EVI5: variants seen among roughly 807,000 people sequenced by gnomAD.
EVI5 encodes the protein ecotropic viral integration site 5.
A neutral mutation model predicts 112.0 loss-of-function variants in EVI5; 73 were observed. The ratio of observed to expected loss-of-function variants is 0.65; its 90% CI spans 0.54 to 0.79. The LOEUF is 0.79. Ranked by LOEUF, EVI5 falls within the 30% of genes least tolerant of loss-of-function variation. The pLI is 0.00. For missense variants in EVI5, 900 were observed against 968.8 expected, an observed-to-expected ratio of 0.93 and a Z score of 0.94; for synonymous variants, 305 against 319.9, an observed-to-expected ratio of 0.95 and a Z score of 0.50.
intron 13 of EVI5, among the ~76,000 whole-genome samples, chr1:92,637,698 ATCT>A (rs998527722): frequency 2.0e-5 from 3 of 152,326 alleles, no homozygotes; most frequent in East Asian, 1.9e-4. Context: ...ATAAAAAACA[ATCT>A]TCTACTGAAC....
intron 13 of EVI5, among the ~76,000 whole-genome samples, chr1:92,640,199 A>G (rs1413557399): frequency 6.6e-6 from 1 of 152,226 alleles, no homozygotes; most frequent in Non-Finnish European, 1.5e-5. Flanking sequence ...GGACATAGGC[A>G]TGGGCAAAGA....
intron 2 of EVI5, among the ~76,000 whole-genome samples, chr1:92,731,029 A>G (rs1676381559): frequency 1.3e-5 from 2 of 152,176 alleles, no homozygotes; most frequent in South Asian, 4.1e-4. Context: ...CAATATAAGA[A>G]AAACAATTGT....
chr1:92,764,242 C>T (rs867373673), intron 1 of EVI5, among the ~76,000 whole-genome samples: 1 of 152,200 alleles, frequency 6.6e-6, no homozygotes, highest in African/African-American at 2.4e-5. Context: ...TACAAAGTTA[C>T]CACACATACC....
chr1:92,641,911 G>A (rs1212317381), intron 13 of EVI5, among the ~76,000 whole-genome samples: 4 of 152,066 alleles, frequency 2.6e-5, no homozygotes, highest in Non-Finnish European at 4.4e-5. Context: ...AGGCTGAGGC[G>A]GGTGGATCAC....
intron 14 of EVI5, among the ~76,000 whole-genome samples, chr1:92,634,638 C>A (rs1658321890): frequency 6.6e-6 from 1 of 152,176 alleles, no homozygotes; most frequent in Admixed American, 6.6e-5. Context: ...CCTCCTTTAG[C>A]TCGGAGTAGT....
At chr1:92,668,535 C>T (rs945106280) in intron 10 of EVI5, among the ~76,000 whole-genome samples, 1 of 152,176 alleles carries the variant, frequency 6.6e-6, no homozygotes, top group African/African-American at 2.4e-5. Context: ...AGAAATCATG[C>T]TAAAATAAAA....
At chr1:92,685,345 T>C (rs1668337643) in intron 9 of EVI5, among the ~76,000 whole-genome samples, 1 of 152,228 alleles carries the variant, frequency 6.6e-6, no homozygotes, top group Non-Finnish European at 1.5e-5. Context: ...AAAGATGTTC[T>C]TTGAAACCAG....
chr1:92,605,406 G>A lies in EVI5; in HGVS notation c.1975-4C>T. 7.5e-6 allele frequency: 12 copies of A among 1,601,502 alleles called. No individual in the cohort carries two copies. Among genetic ancestry groups the A allele is most frequent in the Non-Finnish European group, 9.4e-6 (11 of 1,169,384 alleles). On this transcript the variant is annotated splice_region_variant and splice_polypyrimidine_tract_variant and intron_variant, in intron 17 of 19. Coordinates refer to ENST00000684568, the MANE Select transcript of EVI5 (RefSeq NM_001350197.2). ...CAGCCATCACTTCTTCCTTATTCTAGTGTGGTAAACCAAACCGAAACAAAA... is the reference window on the plus strand; with the variant it reads ...CAGCCATCACTTCTTCCTTATTCTAATGTGGTAAACCAAACCGAAACAAAA...
At chr1:92,599,382 C>A (rs886731335) in intron 18 of EVI5, among the ~76,000 whole-genome samples, 3 of 151,858 alleles carry the variant, frequency 2.0e-5, no homozygotes, top group African/African-American at 7.3e-5. Flanking sequence ...GAGTTCTCCC[C>A]CTAGTGGAAC....
At chr1:92,527,660 G>A (rs1302530163) in intron 19 of EVI5, among the ~76,000 whole-genome samples, 1 of 152,098 alleles carries the variant, frequency 6.6e-6, no homozygotes, top group Non-Finnish European at 1.5e-5. Flanking sequence ...TCGTCCAAAG[G>A]TAACCACCAT....
chr1:92,643,242 AATTT>A (rs1483932406), intron 13 of EVI5, among the ~76,000 whole-genome samples: 4 of 151,512 alleles, frequency 2.6e-5, no homozygotes, highest in South Asian at 2.1e-4. Flanking sequence ...TTATTTACTT[AATTT>A]ATTTAGTGCA....
intron 19 of EVI5, among the ~76,000 whole-genome samples, chr1:92,522,655 T>C (rs1192466285): frequency 1.3e-5 from 1 of 79,854 alleles, no homozygotes; most frequent in Admixed American, 1.2e-4. Flanking sequence ...AAAAAAAGAA[T>C]TTACACCCTC....
At chr1:92,556,159 G>A (rs1667654251) in intron 19 of EVI5, among the ~76,000 whole-genome samples, 1 of 151,382 alleles carries the variant, frequency 6.6e-6, no homozygotes, top group South Asian at 2.1e-4. Context: ...CGCCTCCTGG[G>A]TTCAAGCGAT....
intron 1 of EVI5, among the ~76,000 whole-genome samples, chr1:92,742,994 C>T (rs1339537348): frequency 1.3e-5 from 2 of 152,168 alleles, no homozygotes; most frequent in African/African-American, 2.4e-5. Context: ...ACCAAGTGTA[C>T]ATCAATGGAT....
At chr1:92,551,040 CTTTTTTTT>C (rs55898086) in intron 19 of EVI5, among the ~76,000 whole-genome samples, 1 of 80,702 alleles carries the variant, frequency 1.2e-5, no homozygotes. Flanking sequence ...TTCTTTCTTT[CTTTTTTTT>C]TTTTTTTTTT....
chr1:92,677,899 T>G (rs1363455153), intron 9 of EVI5, among the ~76,000 whole-genome samples: 1 of 152,188 alleles, frequency 6.6e-6, no homozygotes, highest in Admixed American at 6.5e-5. Flanking sequence ...TAATACATAC[T>G]GACATCATGC....
At chr1:92,603,770 C>T (rs1367234772) in intron 18 of EVI5, among the ~76,000 whole-genome samples, 5 of 151,228 alleles carry the variant, frequency 3.3e-5, no homozygotes, top group Non-Finnish European at 5.9e-5. Context: ...ACTCTGTGGC[C>T]CAGGCTGGAG....
chr1:92,741,089 CT>C (rs1486076747), intron 1 of EVI5, among the ~76,000 whole-genome samples: 3 of 152,162 alleles, frequency 2.0e-5, no homozygotes, highest in Non-Finnish European at 4.4e-5. Context: ...GTTGTAAACA[CT>C]TTATATGTAT....
chr1:92,648,176 C>G (rs1380117308), intron 13 of EVI5, among the ~76,000 whole-genome samples: 22 of 119,392 alleles, frequency 1.8e-4, no homozygotes, highest in African/African-American at 6.4e-4. Flanking sequence ...GAAACCCCGA[C>G]TCTACTAAAA....
Sources: gnomAD v4.1 joint callset for allele counts (sites outside exome capture counted in the v4.1 genomes callset) on GRCh38, gnomAD v4.1.1 for gene constraint, MANE v1.5 for transcripts, NCBI Gene and HGNC (gene_info 2026-07-23, HGNC 2026-07-21) for gene names.